Variants in SPATS2 observed in about 807,000 individuals in gnomAD.
The protein encoded by SPATS2 is spermatogenesis associated serine rich 2, also known as spermatogenesis-associated serine-rich protein 2.
In SPATS2, 38 loss-of-function variants were observed where a neutral mutation model predicts 63.7. That is an observed-to-expected ratio of 0.60 (90% CI 0.46 to 0.78). The LOEUF is 0.78. Among genes scored for constraint, SPATS2 ranks in the 30% least tolerant of loss-of-function variants. The probability of loss-of-function intolerance (pLI) is 0.00; values close to 1 mark genes in which losing one functional copy is unlikely to be tolerated. For missense variants in SPATS2, 588 were observed against 666.2 expected, an observed-to-expected ratio of 0.88 and a Z score of 1.29; for synonymous variants, 207 against 232.9, an observed-to-expected ratio of 0.89 and a Z score of 1.01.
chr12:49,499,127 A>G (rs951879433), intron 8 of SPATS2, among the ~76,000 whole-genome samples: 5 of 151,928 alleles, frequency 3.3e-5, no homozygotes, highest in Non-Finnish European at 7.4e-5. Context: ...GTCCTTTTCT[A>G]CTCAATTCTA....
At chr12:49,461,724 T>C (rs964010358) in intron 3 of SPATS2, among the ~76,000 whole-genome samples, 1 of 152,228 alleles carries the variant, frequency 6.6e-6, no homozygotes, top group South Asian at 2.1e-4. Flanking sequence ...AAGCTATTCA[T>C]AGATCCAGGT....
At chr12:49,424,349 A>G (rs1480423117) in intron 2 of SPATS2, among the ~76,000 whole-genome samples, 1 of 152,194 alleles carries the variant, frequency 6.6e-6, no homozygotes, top group African/African-American at 2.4e-5. Context: ...ACCAGAACAT[A>G]CCTGCATAGG....
chr12:49,493,755 C>T (rs1370562793), intron 6 of SPATS2, among the ~76,000 whole-genome samples: 1 of 152,154 alleles, frequency 6.6e-6, no homozygotes, highest in Non-Finnish European at 1.5e-5. Context: ...TTTGGTTCTC[C>T]ACCCCCAAGG....
intron 3 of SPATS2, among the ~76,000 whole-genome samples, chr12:49,475,430 G>C (rs181449725): frequency 1.5e-3 from 226 of 150,356 alleles, no homozygotes; most frequent in African/African-American, 5.0e-3. Flanking sequence ...TAGAATTCTT[G>C]TTGTTGTTGT....
intron 2 of SPATS2, among the ~76,000 whole-genome samples, chr12:49,456,729 A>C (rs1045831185): frequency 3.3e-5 from 5 of 152,162 alleles, no homozygotes; most frequent in Non-Finnish European, 5.9e-5. Flanking sequence ...CTTCTGATGG[A>C]TTGGAGGTGG....
intron 9 of SPATS2, among the ~76,000 whole-genome samples, chr12:49,501,739 C>T (rs753932505): frequency 1.8e-4 from 28 of 152,156 alleles, no homozygotes; most frequent in Admixed American, 5.2e-4. Flanking sequence ...CTCAGCCTCC[C>T]GGAGTAGCTG....
At chr12:49,461,123 A>G in intron 3 of SPATS2, 86 bp downstream of exon 3, 1 of 1,429,628 alleles carries the variant, frequency 7.0e-7, no homozygotes, top group Middle Eastern at 1.8e-4. Context: ...CTGTCCTTCT[A>G]ATGTGTTTTG....
chr12:49,426,804 A>G (rs991790329), intron 2 of SPATS2, among the ~76,000 whole-genome samples: 2 of 152,146 alleles, frequency 1.3e-5, no homozygotes, highest in African/African-American at 2.4e-5. Flanking sequence ...CGGCCTCCCA[A>G]AGTGCTGGGA....
chr12:49,522,067 T>C (rs1220982837), intron 11 of SPATS2, among the ~76,000 whole-genome samples: 1 of 152,156 alleles, frequency 6.6e-6, no homozygotes, highest in African/African-American at 2.4e-5. Flanking sequence ...TTAGACATTG[T>C]TTAATGAAAT....
At chr12:49,394,874 C>T (rs1191552219) in intron 2 of SPATS2, among the ~76,000 whole-genome samples, 1 of 151,828 alleles carries the variant, frequency 6.6e-6, no homozygotes, top group African/African-American at 2.4e-5. Context: ...GAGTTCGAAA[C>T]CAGCCTGGCC....
At chr12:49,453,827 C>T (rs1012340224) in intron 2 of SPATS2, among the ~76,000 whole-genome samples, 1 of 146,276 alleles carries the variant, frequency 6.8e-6, no homozygotes, top group Admixed American at 6.9e-5. Context: ...AATCCAAGCA[C>T]GGGACACAGA....
intron 3 of SPATS2, among the ~76,000 whole-genome samples, chr12:49,472,418 C>T (rs919863699): frequency 2.0e-5 from 3 of 151,046 alleles, no homozygotes; most frequent in African/African-American, 4.9e-5. Flanking sequence ...GAATTAAGAA[C>T]ATCTGTTCAT....
intron 2 of SPATS2, among the ~76,000 whole-genome samples, chr12:49,458,138 C>A (rs1272397725): frequency 6.6e-6 from 1 of 152,038 alleles, no homozygotes; most frequent in African/African-American, 2.4e-5. Flanking sequence ...AGTCAGGTGC[C>A]CAGGTATGAG....
chr12:49,384,416 T>C (rs1259876097), intron 2 of SPATS2, among the ~76,000 whole-genome samples: 2 of 152,246 alleles, frequency 1.3e-5, no homozygotes, highest in Non-Finnish European at 2.9e-5. Flanking sequence ...ACTGTCTCTT[T>C]AGTCCCATTC....
intron 3 of SPATS2, among the ~76,000 whole-genome samples, chr12:49,476,404 C>A (rs1374978826): frequency 6.6e-6 from 1 of 152,206 alleles, no homozygotes; most frequent in East Asian, 1.9e-4. Flanking sequence ...TAAAACCTTG[C>A]ACTCATTCTT....
chr12:49,479,986 A>G lies in SPATS2; in HGVS notation c.26-4604A>G, dbSNP rs190489726. Reference sequence around the variant, plus strand: ...TACCGTGACTGATTTTCTCATCACTATGAGATTAAGAGAGGATATTCTGGG... The same window carrying G: ...TACCGTGACTGATTTTCTCATCACTGTGAGATTAAGAGAGGATATTCTGGG... On this transcript the variant is annotated intron_variant, in intron 3 of 13. Transcript: ENST00000552918. Among the ~76,000 whole-genome samples the G allele has an allele frequency of 2.0e-4, 30 of 152,306 alleles. No individual in the cohort carries two copies. In the East Asian group the frequency reaches 2.1e-3, roughly 11 times the overall value.
At chr12:49,448,906 G>T (rs968212033) in intron 2 of SPATS2, among the ~76,000 whole-genome samples, 2 of 152,076 alleles carry the variant, frequency 1.3e-5, no homozygotes, top group African/African-American at 4.8e-5. Flanking sequence ...TCTATAAAGG[G>T]CCATATAATA....
chr12:49,374,993 G>T (rs1250295873), intron 2 of SPATS2, among the ~76,000 whole-genome samples: 1 of 146,066 alleles, frequency 6.8e-6, no homozygotes, highest in Non-Finnish European at 1.5e-5. Flanking sequence ...AAAGGCATAG[G>T]TTGATTGGAG....
At chr12:49,496,791 TC>T (rs1406581961) in intron 7 of SPATS2, 41 bp from the exon 8 acceptor site, 2 of 1,595,544 alleles carry the variant, frequency 1.3e-6, no homozygotes, top group Non-Finnish European at 8.5e-7. Context: ...ACTGGTTTAC[TC>T]CTAAATTGTG....
Sources: gnomAD v4.1 joint callset for allele counts (sites outside exome capture counted in the v4.1 genomes callset) on GRCh38, gnomAD v4.1.1 for gene constraint, MANE v1.5 for transcripts, NCBI Gene and HGNC (gene_info 2026-07-23, HGNC 2026-07-21) for gene names.